KCNJ10: variants seen among roughly 807,000 people sequenced by gnomAD.
KCNJ10 encodes the protein potassium inwardly rectifying channel subfamily J member 10, also known as ATP-sensitive inward rectifier potassium channel 10.
In KCNJ10, 9 loss-of-function variants were observed where a neutral mutation model predicts 22.2. The ratio of observed to expected loss-of-function variants is 0.40; its 90% confidence interval spans 0.24 to 0.71. The LOEUF (loss-of-function observed/expected upper bound fraction) is 0.71, where lower values mean the gene tolerates loss of function less well. Among genes scored for constraint, KCNJ10 ranks in the 30% least tolerant of loss-of-function variants. KCNJ10 has a pLI of 0.35. For missense variants in KCNJ10, 337 were observed against 482.7 expected, an observed-to-expected ratio of 0.70 and a Z score of 2.83; for synonymous variants, 184 against 187.3, an observed-to-expected ratio of 0.98 and a Z score of 0.15.
At chr1:160,059,305 C>A (rs1009409462) in intron 1 of KCNJ10, among the ~76,000 whole-genome samples, 3 of 152,190 alleles carry the variant, frequency 2.0e-5, no homozygotes, top group East Asian at 1.9e-4. Flanking sequence ...CCACATTTTA[C>A]TAAAGAGGAA....
intron 1 of KCNJ10, among the ~76,000 whole-genome samples, chr1:160,054,452 T>C (rs1389059942): frequency 6.6e-6 from 1 of 152,150 alleles, no homozygotes; most frequent in Admixed American, 6.5e-5. Context: ...TCATCTTAAC[T>C]GAACAGCCAG....
intron 1 of KCNJ10, among the ~76,000 whole-genome samples, chr1:160,066,544 T>C (rs911153875): frequency 3.3e-5 from 5 of 152,142 alleles, no homozygotes; most frequent in Non-Finnish European, 5.9e-5. Context: ...CCAAGCCCCT[T>C]ACGGTAGTCA....
At chr1:160,060,857 ACTTATAATT>A (rs1256060973) in intron 1 of KCNJ10, among the ~76,000 whole-genome samples, 2 of 152,172 alleles carry the variant, frequency 1.3e-5, no homozygotes. Flanking sequence ...AGCATGAAGG[ACTTATAATT>A]GATAGAGATC....
Position 160,049,689 on chromosome 1 carries a change from A to ATATATATATATATATATATATT in KCNJ10, c.1-7158_1-7157insAATATATATATATATATATATA, listed in dbSNP as rs1557970395. Among the ~76,000 whole-genome samples the ATATATATATATATATATATATT allele has an allele frequency of 1.1e-4, 12 of 108,586 alleles. 1 individual carries two copies. The highest frequency in any genetic ancestry group is 1.9e-4 in the African/African-American group (5 of 26,554). The allele number at this position is 108,586 out of a possible 152,430, so 71.2% of individuals were successfully genotyped here. ...ATTTTATTTATTTATATATATATATATATATATATATATATATATATATAT... is the reference window on the plus strand; with the variant it reads ...ATTTTATTTATTTATATATATATATATATATATATATATATATATATTTATATATATATATATATATATATAT... On this transcript the variant is annotated intron_variant, in intron 1 of 1. Transcript: ENST00000644903.
intron 1 of KCNJ10, among the ~76,000 whole-genome samples, chr1:160,056,980 CA>C (rs1649056622): frequency 6.6e-6 from 1 of 152,166 alleles, no homozygotes; most frequent in Admixed American, 6.5e-5. Flanking sequence ...ATGTCTGAGT[CA>C]CAAAGGTCCC....
rs541753980 is a variant in KCNJ10, at chr1:160,040,700, T to C, written c.*693A>G. ...ATAGATATGGGTGGTTATATGTTTA[T>C]GTTTCTTGGGCCAACTCCAATTCTC... On this transcript the variant is annotated 3_prime_UTR_variant, in exon 2 of 2. Transcript: ENST00000644903. 1.0e-5 allele frequency: 4 copies of C among 398,896 alleles called. No homozygotes were observed. Among genetic ancestry groups the C allele is most frequent in the African/African-American group, 8.2e-5 (4 of 48,706 alleles). 24.7% of individuals were successfully genotyped at this position (398,896 alleles called of 1,614,324 possible).
At position 160,066,117 on chromosome 1, in the gene KCNJ10, A is replaced by G. The variant is rs1408438297; in HGVS notation, c.-1+3905T>C. On this transcript the variant is annotated intron_variant, in intron 1 of 1. Coordinates refer to ENST00000644903, the MANE Select transcript of KCNJ10 (RefSeq NM_002241.5). ...TCTTGACCGACAGAAGAAGTCTCTG[A>G]CAGAAGTCTTTGGCTGAAAGAGAAG... Among the ~76,000 whole-genome samples, 3 of 152,188 alleles carry G rather than the reference A, an allele frequency of 2.0e-5. No homozygotes were observed. In the East Asian group the frequency reaches 5.8e-4, roughly 29 times the overall value.
intron 1 of KCNJ10, among the ~76,000 whole-genome samples, chr1:160,063,814 G>A (rs1224697771): frequency 6.6e-6 from 1 of 152,190 alleles, no homozygotes; most frequent in African/African-American, 2.4e-5. Context: ...CCTGCCTTCG[G>A]GACAATGCGC....
At chr1:160,057,847 C>T (rs191120020) in intron 1 of KCNJ10, among the ~76,000 whole-genome samples, 13 of 152,214 alleles carry the variant, frequency 8.5e-5, no homozygotes, top group Non-Finnish European at 1.9e-4. Context: ...TGTACACTTT[C>T]CTGTCTTTGA....
intron 1 of KCNJ10, among the ~76,000 whole-genome samples, chr1:160,055,918 T>C (rs1300667975): frequency 6.6e-6 from 1 of 152,190 alleles, no homozygotes; most frequent in East Asian, 1.9e-4. Flanking sequence ...TCCAAGTACT[T>C]ACAGGCTCCC....
At chr1:160,055,937 G>A in intron 1 of KCNJ10, among the ~76,000 whole-genome samples, 1 of 152,080 alleles carries the variant, frequency 6.6e-6, no homozygotes, top group Non-Finnish European at 1.5e-5. Context: ...CCGCTACCTG[G>A]AGCATTCCAA....
At chr1:160,067,760 C>G (rs773247350) in intron 1 of KCNJ10, among the ~76,000 whole-genome samples, 3 of 152,180 alleles carry the variant, frequency 2.0e-5, no homozygotes, top group Non-Finnish European at 4.4e-5. Context: ...GCCTATCTTT[C>G]CATCTTGTGT....
chr1:160,038,057 G>C lies in KCNJ10; in HGVS notation c.*3336C>G, dbSNP rs1571263560. The C allele has an allele frequency of 6.6e-6, 1 of 152,238 alleles. No individual in the cohort carries two copies. Among genetic ancestry groups the C allele is most frequent in the Admixed American group, 6.5e-5 (1 of 15,284 alleles). The allele number at this position is 152,238 out of a possible 1,614,324, so 9.4% of individuals were successfully genotyped here. On this transcript the variant is annotated 3_prime_UTR_variant, in exon 2 of 2. Transcript: ENST00000644903. The stretch of plus-strand genomic sequence containing the variant: ...TTGGGCTGCTTGCAGCCACACAAAA[G>C]GCTGGGCCTTGACCTTGGGAGATCT...
intron 1 of KCNJ10, among the ~76,000 whole-genome samples, chr1:160,049,678 TA>T (rs1557970330): frequency 0.13 from 6,884 of 51,820 alleles, 549 homozygotes; most frequent in African/African-American, 0.29. Flanking sequence ...TATTTATTTA[TA>T]TATATATATA....
intron 1 of KCNJ10, among the ~76,000 whole-genome samples, chr1:160,053,695 TC>T (rs1447598159): frequency 6.6e-6 from 1 of 151,892 alleles, no homozygotes; most frequent in Non-Finnish European, 1.5e-5. Flanking sequence ...CTGGTCTCCT[TC>T]CCCCTTTCCC....
chr1:160,058,615 G>A (rs1263503768), intron 1 of KCNJ10, among the ~76,000 whole-genome samples: 2 of 152,124 alleles, frequency 1.3e-5, no homozygotes, highest in African/African-American at 4.8e-5. Context: ...ATTAGTCTTG[G>A]GAGAAAGGAT....
At chr1:160,061,637 CACA>C (rs1571274942) in intron 1 of KCNJ10, among the ~76,000 whole-genome samples, 2 of 151,584 alleles carry the variant, frequency 1.3e-5, no homozygotes, top group Middle Eastern at 3.2e-3. Context: ...TTCTTAAGGT[CACA>C]ACAAGTGCAA....
At chr1:160,047,706 T>C (rs1275718159) in intron 1 of KCNJ10, among the ~76,000 whole-genome samples, 3 of 152,206 alleles carry the variant, frequency 2.0e-5, no homozygotes, top group Non-Finnish European at 4.4e-5. Flanking sequence ...TACTTTACTA[T>C]GCTTGCTCTT....
chr1:160,037,535 A>T lies in KCNJ10; in HGVS notation c.*3858T>A, dbSNP rs571053526. The T allele has an allele frequency of 6.6e-6, 1 of 152,328 alleles. No homozygotes were observed. Among genetic ancestry groups the T allele is most frequent in the South Asian group, 2.1e-4 (1 of 4,828 alleles). 9.4% of individuals were successfully genotyped at this position (152,328 alleles called of 1,614,324 possible). A position where few individuals can be genotyped will look rare whatever the true frequency, so the allele number is the denominator to read the frequency against. On this transcript the variant is annotated 3_prime_UTR_variant, in exon 2 of 2. Transcript: ENST00000644903. ...AACAGACAAAAACAAAACAAATCTT[A>T]CACACCTTTTTTTTCCTAGATAAAT...
Sources: allele counts gnomAD v4.1 joint callset (sites outside exome capture counted in the v4.1 genomes callset), GRCh38; gene constraint gnomAD v4.1.1; transcripts MANE v1.5; gene names NCBI Gene and HGNC (gene_info 2026-07-23, HGNC 2026-07-21).